TP53BP1: variants seen among roughly 807,000 people sequenced by gnomAD.
TP53BP1 encodes TP53-binding protein 1.
A neutral mutation model predicts 200.8 loss-of-function variants in TP53BP1; 61 were observed. That is an observed-to-expected ratio of 0.30 (90% CI 0.25 to 0.38). The LOEUF (loss-of-function observed/expected upper bound fraction) is 0.38, where lower values mean the gene tolerates loss of function less well. Among genes scored for constraint, TP53BP1 ranks in the 10% least tolerant of loss-of-function variants. The pLI, the probability that TP53BP1 is intolerant of heterozygous loss-of-function variation, is 1.00. For missense variants in TP53BP1, 2,144 were observed against 2,371.9 expected, an observed-to-expected ratio of 0.90 and a Z score of 2.00; for synonymous variants, 822 against 844.3, an observed-to-expected ratio of 0.97 and a Z score of 0.46.
chr15:43,438,861 G>A (rs2045862619), intron 15 of TP53BP1, among the ~76,000 whole-genome samples: 1 of 151,032 alleles, frequency 6.6e-6, no homozygotes, highest in Non-Finnish European at 1.5e-5. Context: ...CACCATTTAT[G>A]AGACAATCAG....
chr15:43,442,817 T>A (rs1266135830), intron 14 of TP53BP1, among the ~76,000 whole-genome samples: 1 of 68,710 alleles, frequency 1.5e-5, no homozygotes, highest in African/African-American at 1.2e-4. Flanking sequence ...GTAATATTCT[T>A]TTTTTTTTTT....
intron 4 of TP53BP1, among the ~76,000 whole-genome samples, chr15:43,486,068 T>TGAGG (rs1463004849): frequency 6.6e-6 from 1 of 150,822 alleles, no homozygotes. Context: ...ATTGAGAGGG[T>TGAGG]GAAAACAAAC....
chr15:43,405,614 A>G lies in TP53BP1; in HGVS notation c.*1769T>C, dbSNP rs1595508377. The G allele has an allele frequency of 5.6e-6, 1 of 179,356 alleles. No homozygotes were observed. Among genetic ancestry groups the G allele is most frequent in the Non-Finnish European group, 1.2e-5 (1 of 85,624 alleles). The allele number at this position is 179,356 out of a possible 1,614,324, so 11.1% of individuals were successfully genotyped here. A position where few individuals can be genotyped will look rare whatever the true frequency, so the allele number is the denominator to read the frequency against. On this transcript the variant is annotated 3_prime_UTR_variant, in exon 28 of 28. Coordinates refer to ENST00000382044, the MANE Select transcript of TP53BP1 (RefSeq NM_001141980.3). ...CATATGTGAAAAAGTAATTATGTTT[A>G]TAAATAGACTAACTGCTGGATGTTA...
rs1312261888 is a variant in TP53BP1 at position 43,508,317 on chromosome 15, G to A, written c.-9+2053C>T. 3.3e-5 allele frequency among the ~76,000 whole-genome samples: 5 copies of A among 152,146 alleles called. No individual in the cohort carries two copies. In the East Asian group the frequency reaches 5.8e-4, roughly 18 times the overall value. ...AGAGGTTGCAGTGAACCAAGATCAC[G>A]CCACTGCACTCCAACCTGGGCAAGA... On this transcript the variant is annotated intron_variant, in intron 1 of 27. Transcript: ENST00000263801.
chr15:43,444,923 C>CA (rs756815988), intron 14 of TP53BP1, among the ~76,000 whole-genome samples: 1 of 152,052 alleles, frequency 6.6e-6, no homozygotes, highest in East Asian at 1.9e-4. Context: ...CTGGAGGTTG[C>CA]AAATTTTTTT....
At chr15:43,465,182 T>C (rs1477665132) in intron 11 of TP53BP1, among the ~76,000 whole-genome samples, 1 of 151,956 alleles carries the variant, frequency 6.6e-6, no homozygotes, top group African/African-American at 2.4e-5. Flanking sequence ...TGTAGACTGG[T>C]GTCTACAAAT....
At chr15:43,437,897 T>C (rs565618696) in intron 16 of TP53BP1, among the ~76,000 whole-genome samples, 201 of 152,348 alleles carry the variant, frequency 1.3e-3, no homozygotes, top group Middle Eastern at 0.01. Flanking sequence ...ATTTGGCTCA[T>C]GGTTCTGAAT....
intron 14 of TP53BP1, among the ~76,000 whole-genome samples, chr15:43,445,110 C>T (rs1254268699): frequency 6.6e-6 from 1 of 152,114 alleles, no homozygotes; most frequent in African/African-American, 2.4e-5. Context: ...TTCCCTCTAA[C>T]TCACCATATT....
At chr15:43,467,564 G>A (rs2046615705) in intron 11 of TP53BP1, among the ~76,000 whole-genome samples, 1 of 152,034 alleles carries the variant, frequency 6.6e-6, no homozygotes, top group Non-Finnish European at 1.5e-5. Context: ...GGTAAATGTT[G>A]AAAATAGAGC....
At chr15:43,476,401 G>A (rs2078882651) in intron 8 of TP53BP1, among the ~76,000 whole-genome samples, 1 of 152,202 alleles carries the variant, frequency 6.6e-6, no homozygotes, top group Non-Finnish European at 1.5e-5. Context: ...GTGAAGTCAA[G>A]CTCATGCCAT....
At chr15:43,423,550 G>A (rs1330414269) in intron 18 of TP53BP1, among the ~76,000 whole-genome samples, 2 of 149,550 alleles carry the variant, frequency 1.3e-5, no homozygotes, top group East Asian at 2.0e-4. Flanking sequence ...CCAGGTACTC[G>A]AAAAGCTGAG....
chr15:43,407,621 T>A (rs2044951890), intron 27 of TP53BP1, 51 bp from the exon 28 acceptor site: 1 of 1,533,168 alleles, frequency 6.5e-7, no homozygotes, highest in Non-Finnish European at 8.9e-7. Flanking sequence ...AACTTAGCCC[T>A]CCATTAGAAA....
rs1370127599 is a variant in TP53BP1 at position 43,421,289 on chromosome 15, G to A, written c.4101-115C>T. On this transcript the variant is annotated intron_variant, in intron 19 of 27. Coordinates refer to ENST00000382044, the MANE Select transcript of TP53BP1 (RefSeq NM_001141980.3). ...GGCCTACATGTGCTGAGCCTTTGGG[G>A]CAGCAGGAAGCTGGTTCACACACCC... 7.3e-6 allele frequency: 8 copies of A among 1,102,292 alleles called. No homozygotes were observed. In the South Asian group the frequency reaches 9.4e-5, roughly 13 times the overall value. 68.3% of individuals were successfully genotyped at this position (1,102,292 alleles called of 1,614,324 possible).
chr15:43,421,699 C>G, intron 19 of TP53BP1, 156 bp downstream of exon 19: 1 of 1,133,188 alleles, frequency 8.8e-7, no homozygotes. Context: ...CCACACAAAC[C>G]CAAAACAGGA....
upstream of TP53BP1, among the ~76,000 whole-genome samples, chr15:43,497,223 G>A (rs1476006503): frequency 4.6e-5 from 7 of 152,134 alleles, no homozygotes; most frequent in Admixed American, 2.0e-4. Flanking sequence ...GTGAAACCCC[G>A]TCTCTATTAA....
intron 1 of TP53BP1, among the ~76,000 whole-genome samples, chr15:43,501,861 T>C (rs2079210941): frequency 6.6e-6 from 1 of 152,228 alleles, no homozygotes; most frequent in African/African-American, 2.4e-5. Flanking sequence ...ACTGCATATT[T>C]GGGTTTAGAC....
chr15:43,462,929 C>T (rs2046475697), intron 11 of TP53BP1, among the ~76,000 whole-genome samples: 2 of 152,058 alleles, frequency 1.3e-5, no homozygotes, highest in South Asian at 4.1e-4. Context: ...TGGTGGTGTG[C>T]ACTTTTTGTC....
chr15:43,470,579 A>G (rs1028405351), intron 10 of TP53BP1, among the ~76,000 whole-genome samples: 4 of 152,142 alleles, frequency 2.6e-5, no homozygotes, highest in Non-Finnish European at 5.9e-5. Flanking sequence ...ACAGATGAAG[A>G]AAAAAAATCT....
Position 43,407,928 on chromosome 15 carries a change from C to A in TP53BP1, c.5746+15G>T. Reference sequence around the variant, plus strand: ...ATCCCTGGAACAAAGACACTACACACACTCTTTCAGGTACCTTTGTTATGG... The same window carrying A: ...ATCCCTGGAACAAAGACACTACACAAACTCTTTCAGGTACCTTTGTTATGG... On this transcript the variant is annotated intron_variant, in intron 27 of 27. Coordinates refer to ENST00000382044, the MANE Select transcript of TP53BP1 (RefSeq NM_001141980.3). The A allele has an allele frequency of 1.2e-6, 2 of 1,607,370 alleles. No homozygotes were observed. Among genetic ancestry groups the A allele is most frequent in the Non-Finnish European group, 1.7e-6 (2 of 1,178,762 alleles).
Sources: allele counts gnomAD v4.1 joint callset (sites outside exome capture counted in the v4.1 genomes callset), GRCh38; gene constraint gnomAD v4.1.1; transcripts MANE v1.5; gene names NCBI Gene and HGNC (gene_info 2026-07-23, HGNC 2026-07-21).